The following PPP4R2 variants were observed in gnomAD, a reference collection of about 807,000 sequenced individuals.
PPP4R2 encodes the protein protein phosphatase 4 regulatory subunit 2.
A neutral mutation model predicts 47.2 loss-of-function variants in PPP4R2; 13 were observed. That is an observed-to-expected ratio of 0.28 (90% confidence interval 0.18 to 0.44). The LOEUF is 0.44. Ranked by LOEUF, PPP4R2 falls within the 20% of genes least tolerant of loss-of-function variation. PPP4R2 has a pLI of 1.00. For missense variants in PPP4R2, 421 were observed against 491.2 expected (o/e 0.86, Z 1.35); for synonymous variants, 151 against 163.3 (o/e 0.92, Z 0.57).
Position 73,019,229 on chromosome 3 carries a change from G to T in PPP4R2, c.116+21071G>T, listed in dbSNP as rs1426159615. On this transcript the variant is annotated intron_variant, in intron 2 of 8. Coordinates refer to ENST00000356692, the MANE Select transcript of PPP4R2 (RefSeq NM_174907.4). ...GGTGTATAGTAGACTATACCATGTG[G>T]GTTTGTGTAAGTGCACTCTGTGATG... is the stretch of plus-strand genomic sequence containing the variant. Among the ~76,000 whole-genome samples the T allele has an allele frequency of 2.0e-5, 3 of 152,160 alleles. 1 individual carries two copies. The highest frequency in any genetic ancestry group is 4.2e-4 in the South Asian group (2 of 4,810).
intron 3 of PPP4R2, among the ~76,000 whole-genome samples, chr3:73,048,448 G>A (rs960523513): frequency 1.3e-5 from 2 of 151,696 alleles, no homozygotes; most frequent in African/African-American, 2.4e-5. Context: ...TAGAGATGGG[G>A]TTTCACCATG....
chr3:73,050,670 G>A (rs183391055), intron 3 of PPP4R2, among the ~76,000 whole-genome samples: 1 of 152,128 alleles, frequency 6.6e-6, no homozygotes, highest in Admixed American at 6.5e-5. Flanking sequence ...TATGCTAGTG[G>A]TATTTTCCTT....
chr3:73,043,609 A>G (rs1162987953), intron 2 of PPP4R2, among the ~76,000 whole-genome samples: 2 of 152,192 alleles, frequency 1.3e-5, no homozygotes, highest in Admixed American at 6.5e-5. Flanking sequence ...CTCGTTCATT[A>G]TTCATCTTTT....
At position 73,047,925 on chromosome 3, in the gene PPP4R2, G is replaced by T. The variant is rs1702518963; in HGVS notation, c.287+569G>T. Among the ~76,000 whole-genome samples, 3 of 152,310 alleles carry T rather than the reference G, an allele frequency of 2.0e-5. No homozygotes were observed. The South Asian group carries it at 6.2e-4, about 32-fold the overall frequency. On this transcript the variant is annotated intron_variant, in intron 3 of 8. Transcript: ENST00000356692. ...GGTGTCTCGCTCTGTCACCTAGGCT[G>T]GAATACAGTGGCGTGATCTTGGCTC...
intron 5 of PPP4R2, chr3:73,063,009 T>C: frequency 9.9e-7 from 1 of 1,011,244 alleles, no homozygotes; most frequent in South Asian, 1.6e-5. Flanking sequence ...GATCCCAGTC[T>C]TTGAGGAGAA....
At chr3:73,021,900 A>ATATT (rs1553646890) in intron 2 of PPP4R2, among the ~76,000 whole-genome samples, 21 of 114,748 alleles carry the variant, frequency 1.8e-4, no homozygotes, top group Admixed American at 1.7e-3. Context: ...ATATATATAT[A>ATATT]TTTTTTTTTT....
chr3:73,053,266 T>C (rs1702658274), intron 3 of PPP4R2, among the ~76,000 whole-genome samples: 1 of 139,312 alleles, frequency 7.2e-6, no homozygotes, highest in African/African-American at 2.6e-5. Context: ...CCCTACTTAC[T>C]TGTTTTTTCT....
chr3:73,036,527 A>C (rs981653854), intron 2 of PPP4R2, among the ~76,000 whole-genome samples: 4 of 152,212 alleles, frequency 2.6e-5, no homozygotes, highest in African/African-American at 9.6e-5. Flanking sequence ...TATCAGTACA[A>C]ATTTCCAGTT....
At chr3:73,059,006 T>A (rs748302233) in intron 3 of PPP4R2, 31 bp from the exon 4 acceptor site, 21 of 1,274,072 alleles carry the variant, frequency 1.6e-5, no homozygotes, top group Admixed American at 7.7e-5. Flanking sequence ...TTATCAGTGA[T>A]CTCACACTGT....
At chr3:73,007,997 G>A (rs1198144417) in intron 2 of PPP4R2, among the ~76,000 whole-genome samples, 1 of 151,680 alleles carries the variant, frequency 6.6e-6, no homozygotes, top group African/African-American at 2.4e-5. Context: ...TAAGTGGAAA[G>A]ACTATTACAG....
At chr3:73,055,549 T>TA (rs1702715455) in intron 3 of PPP4R2, among the ~76,000 whole-genome samples, 1 of 151,800 alleles carries the variant, frequency 6.6e-6, no homozygotes, top group South Asian at 2.1e-4. Context: ...GGCACTGTTT[T>TA]AAAAAATTTG....
At chr3:73,064,385 T>G (rs1432424503) in intron 7 of PPP4R2, among the ~76,000 whole-genome samples, 1 of 151,784 alleles carries the variant, frequency 6.6e-6, no homozygotes, top group Non-Finnish European at 1.5e-5. Flanking sequence ...AACGTAGATA[T>G]GATGATCCAT....
chr3:73,008,049 C>T (rs573403006), intron 2 of PPP4R2, among the ~76,000 whole-genome samples: 31 of 149,414 alleles, frequency 2.1e-4, no homozygotes, highest in African/African-American at 7.7e-4. Context: ...ACCCCCCCTC[C>T]CATAACCACT....
chr3:73,010,550 GTC>G (rs1701701856), intron 2 of PPP4R2, among the ~76,000 whole-genome samples: 1 of 140,566 alleles, frequency 7.1e-6, no homozygotes, highest in South Asian at 2.4e-4. Context: ...TAATTTACTT[GTC>G]TCTCTCGCTC....
intron 3 of PPP4R2, among the ~76,000 whole-genome samples, chr3:73,055,886 G>A (rs924586680): frequency 2.6e-5 from 4 of 152,044 alleles, no homozygotes; most frequent in African/African-American, 7.2e-5. Flanking sequence ...GATTACAGGC[G>A]TGAGCCACCG....
rs930250040 is a variant in PPP4R2, at chr3:73,025,052, A to G, written c.117-22134A>G. Among the ~76,000 whole-genome samples the G allele has an allele frequency of 5.9e-5, 9 of 152,078 alleles. 1 individual carries two copies. The highest frequency in any genetic ancestry group is 2.2e-4 in the African/African-American group (9 of 41,400). On this transcript the variant is annotated intron_variant, in intron 2 of 8. Transcript: ENST00000356692. ...TCCATATTTCACATTTTTGGAGGAA[A>G]ATAATCTGATTGGCCTGGCCCTGGT... is the stretch of plus-strand genomic sequence containing the variant.
At chr3:72,998,234 A>G (rs1426805074) in intron 2 of PPP4R2, 76 bp downstream of exon 2, 2 of 875,926 alleles carry the variant, frequency 2.3e-6, no homozygotes, top group African/African-American at 1.7e-5. Flanking sequence ...AAAAAAGTAT[A>G]TTTTGGGATA....
chr3:73,057,491 T>G (rs1021234150), intron 3 of PPP4R2, among the ~76,000 whole-genome samples: 1 of 152,124 alleles, frequency 6.6e-6, no homozygotes, highest in Non-Finnish European at 1.5e-5. Context: ...AGGCAAACAT[T>G]TAATCTTTTA....
intron 3 of PPP4R2, among the ~76,000 whole-genome samples, chr3:73,058,499 T>TA (rs1702773868): frequency 6.6e-6 from 1 of 152,072 alleles, no homozygotes; most frequent in African/African-American, 2.4e-5. Context: ...TTGGGTGTTC[T>TA]AAGTTGCTTT....
Sources: allele counts gnomAD v4.1 joint callset (sites outside exome capture counted in the v4.1 genomes callset), GRCh38; gene constraint gnomAD v4.1.1; transcripts MANE v1.5; gene names NCBI Gene and HGNC (gene_info 2026-07-23, HGNC 2026-07-21).